SYT1: variants seen among roughly 807,000 people sequenced by gnomAD.
The protein encoded by SYT1 is synaptotagmin 1.
In SYT1, 8 loss-of-function variants were observed where a neutral mutation model predicts 44.8. That is an observed-to-expected ratio of 0.18 (90% confidence interval 0.10 to 0.32). SYT1 has a LOEUF of 0.32. Among genes scored for constraint, SYT1 ranks in the 10% least tolerant of loss-of-function variants. SYT1 has a pLI of 1.00. For missense variants in SYT1, 286 were observed against 509.3 expected, an observed-to-expected ratio of 0.56 and a Z score of 4.22; for synonymous variants, 154 against 188.8, an observed-to-expected ratio of 0.82 and a Z score of 1.51.
intron 8 of SYT1, among the ~76,000 whole-genome samples, chr12:79,326,575 GA>G (rs1305658681): frequency 6.6e-6 from 1 of 152,184 alleles, no homozygotes; most frequent in African/African-American, 2.4e-5. Flanking sequence ...GAGAAAAATA[GA>G]GATGTTTGAC....
intron 8 of SYT1, among the ~76,000 whole-genome samples, chr12:79,324,625 A>G (rs1881525420): frequency 1.3e-5 from 2 of 152,212 alleles, no homozygotes; most frequent in African/African-American, 4.8e-5. Context: ...GGAGGTCAAA[A>G]TGAATTAGCA....
At chr12:79,030,026 T>C (rs997778955) in intron 2 of SYT1, among the ~76,000 whole-genome samples, 1 of 151,102 alleles carries the variant, frequency 6.6e-6, no homozygotes, top group Non-Finnish European at 1.5e-5. Context: ...CTCTTCAACA[T>C]GTGATGAATT....
In SYT1 at chr12:79,179,456, A is replaced by AGAT. The variant is rs10643941; in HGVS notation, c.-17-38047_-17-38046insGAT. Among the ~76,000 whole-genome samples the AGAT allele has an allele frequency of 2.3e-5, 2 of 86,688 alleles. 1 individual carries two copies. The highest frequency in any genetic ancestry group is 9.4e-5 in the African/African-American group (2 of 21,336). The allele number at this position is 86,688 out of a possible 152,430, so 56.9% of individuals were successfully genotyped here. A position where few individuals can be genotyped will look rare whatever the true frequency, so the allele number is the denominator to read the frequency against. The stretch of plus-strand genomic sequence containing the variant: ...GATATATCCATATAGATATAGATAT[A>AGAT]ATCTATATAGATATAGATATAGAGA... On this transcript the variant is annotated intron_variant, in intron 3 of 10. Coordinates refer to ENST00000261205, the MANE Select transcript of SYT1 (RefSeq NM_005639.3).
intron 2 of SYT1, among the ~76,000 whole-genome samples, chr12:79,034,030 T>C (rs1001958354): frequency 1.7e-4 from 26 of 151,500 alleles, no homozygotes; most frequent in African/African-American, 6.0e-4. Context: ...TGTTTTGAAC[T>C]TCTCATAAAT....
chr12:79,265,491 C>G (rs556658336), intron 4 of SYT1, among the ~76,000 whole-genome samples: 1 of 151,988 alleles, frequency 6.6e-6, no homozygotes, highest in African/African-American at 2.4e-5. Flanking sequence ...CTAACTGATA[C>G]GTTTACAAAA....
chr12:79,318,412 A>G (rs761407975), intron 8 of SYT1, among the ~76,000 whole-genome samples: 1 of 152,218 alleles, frequency 6.6e-6, no homozygotes, highest in African/African-American at 2.4e-5. Flanking sequence ...TCCCTTCTGA[A>G]AGCCTTCTAC....
At chr12:79,179,526 G>GATATATCT (rs1565842499) in intron 3 of SYT1, among the ~76,000 whole-genome samples, 2 of 14,502 alleles carry the variant, frequency 1.4e-4, no homozygotes, top group Non-Finnish European at 2.7e-4. Context: ...TATCTATATA[G>GATATATCT]ATATAGATAT....
chr12:79,232,965 C>T (rs1168958687), intron 4 of SYT1, among the ~76,000 whole-genome samples: 2 of 152,204 alleles, frequency 1.3e-5, no homozygotes, highest in Non-Finnish European at 2.9e-5. Context: ...CTTTACAATA[C>T]ATCTTTGCTT....
chr12:78,990,735 T>G (rs73351438), intron 2 of SYT1, among the ~76,000 whole-genome samples: 1,797 of 152,272 alleles, frequency 0.012, 36 homozygotes, highest in African/African-American at 0.039. Context: ...AGAGCTTATC[T>G]CCTTTTGATT....
intron 3 of SYT1, among the ~76,000 whole-genome samples, chr12:79,090,689 T>C (rs1395290412): frequency 6.6e-6 from 1 of 151,948 alleles, no homozygotes; most frequent in Non-Finnish European, 1.5e-5. Context: ...CACAGGGAGC[T>C]ACACAAAATA....
At position 78,907,208 on chromosome 12, in the gene SYT1, T is replaced by C. The variant is rs148790694; in HGVS notation, c.-217+42099T>C. On this transcript the variant is annotated intron_variant, in intron 1 of 10. Coordinates refer to ENST00000261205, the MANE Select transcript of SYT1 (RefSeq NM_005639.3). ...AGAAAAAAAAAGATATGCAAGTTCA[T>C]AAAGCAAGCAAGTGGCAAAGCAGAC... 2.2e-3 allele frequency among the ~76,000 whole-genome samples: 337 copies of C among 152,132 alleles called. 3 individuals carry two copies. Among genetic ancestry groups the C allele is most frequent in the African/African-American group, 7.8e-3 (323 of 41,542 alleles).
intron 4 of SYT1, among the ~76,000 whole-genome samples, chr12:79,269,168 G>A (rs1046246041): frequency 8.0e-5 from 12 of 150,212 alleles, no homozygotes; most frequent in East Asian, 7.8e-4. Flanking sequence ...ACATTTGTTC[G>A]CTTAATCCTT....
intron 1 of SYT1, among the ~76,000 whole-genome samples, chr12:78,895,075 T>TA (rs1213170338): frequency 6.6e-5 from 10 of 151,254 alleles, no homozygotes; most frequent in East Asian, 3.9e-4. Flanking sequence ...AATTAAAAAC[T>TA]AAAAAAAATT....
At chr12:78,958,818 C>A (rs567779161) in intron 1 of SYT1, among the ~76,000 whole-genome samples, 11 of 151,898 alleles carry the variant, frequency 7.2e-5, no homozygotes, top group Non-Finnish European at 1.6e-4. Flanking sequence ...TTTACGCAAA[C>A]GTGGAAAACT....
chr12:79,108,831 C>G (rs1878857373), intron 3 of SYT1, among the ~76,000 whole-genome samples: 1 of 152,068 alleles, frequency 6.6e-6, no homozygotes, highest in Non-Finnish European at 1.5e-5. Context: ...AATTTCTCTC[C>G]CCAGTAAGTT....
chr12:79,143,201 C>T (rs997057738), intron 3 of SYT1, among the ~76,000 whole-genome samples: 1 of 152,148 alleles, frequency 6.6e-6, no homozygotes, highest in African/African-American at 2.4e-5. Context: ...ACCATAGGAA[C>T]AATGGTACTA....
chr12:79,012,035 G>A (rs768323940), intron 2 of SYT1, among the ~76,000 whole-genome samples: 50 of 151,706 alleles, frequency 3.3e-4, no homozygotes, highest in Non-Finnish European at 5.3e-4. Flanking sequence ...GGGAGGCTGA[G>A]GCAGGAGAAT....
chr12:78,976,664 A>T (rs1868858804), intron 1 of SYT1: 1 of 152,220 alleles, frequency 6.6e-6, no homozygotes, highest in Non-Finnish European at 1.5e-5. Context: ...AGAGTTGAAA[A>T]CTAAACTGTA....
intron 3 of SYT1, among the ~76,000 whole-genome samples, chr12:79,150,315 T>C (rs1259537925): frequency 6.6e-6 from 1 of 152,160 alleles, no homozygotes; most frequent in Non-Finnish European, 1.5e-5. Flanking sequence ...TGAATGAACC[T>C]AGAAGACTTT....
Sources: gnomAD v4.1 joint callset for allele counts (sites outside exome capture counted in the v4.1 genomes callset) on GRCh38, gnomAD v4.1.1 for gene constraint, MANE v1.5 for transcripts, NCBI Gene and HGNC (gene_info 2026-07-23, HGNC 2026-07-21) for gene names.